TMEM132D: variants seen among roughly 807,000 people sequenced by gnomAD.
TMEM132D encodes mature OL transmembrane protein.
In TMEM132D, 21 loss-of-function variants were observed where a neutral mutation model predicts 62.3. The ratio of observed to expected loss-of-function variants is 0.34; its 90% confidence interval spans 0.24 to 0.49. The LOEUF is 0.49. TMEM132D is among the 20% of genes least tolerant of loss of function. The probability of loss-of-function intolerance (pLI) is 0.99; values close to 1 mark genes in which losing one functional copy is unlikely to be tolerated. For synonymous variants in TMEM132D, 621 were observed against 575.6 expected, an observed-to-expected ratio of 1.08 and a Z score of -1.13; for missense variants, 1,346 against 1,402.8, an observed-to-expected ratio of 0.96 and a Z score of 0.65.
intron 3 of TMEM132D, among the ~76,000 whole-genome samples, chr12:129,385,534 C>T (rs972203288): frequency 4.6e-5 from 7 of 152,156 alleles, no homozygotes; most frequent in Non-Finnish European, 1.0e-4. Context: ...TGGCCACCAA[C>T]CAGCCTAGTA....
At chr12:129,383,006 G>T (rs1020149235) in intron 3 of TMEM132D, among the ~76,000 whole-genome samples, 1 of 152,072 alleles carries the variant, frequency 6.6e-6, no homozygotes, top group Non-Finnish European at 1.5e-5. Flanking sequence ...CAGGATCATT[G>T]GGTCGCTAGG....
chr12:129,152,968 C>G (rs1365539336), intron 5 of TMEM132D, among the ~76,000 whole-genome samples: 1 of 152,164 alleles, frequency 6.6e-6, no homozygotes, highest in East Asian at 1.9e-4. Context: ...CCCTCCAGCT[C>G]CCACCCGGCA....
intron 2 of TMEM132D, among the ~76,000 whole-genome samples, chr12:129,551,065 G>A (rs915848927): frequency 2.6e-5 from 4 of 152,160 alleles, no homozygotes; most frequent in Admixed American, 2.0e-4. Context: ...ACCCCAACGG[G>A]GGTCCCAGGC....
At position 129,724,865 on chromosome 12, in the gene TMEM132D, G is replaced by A. The variant is rs1000290966; in HGVS notation, c.80-24167C>T. Among the ~76,000 whole-genome samples the A allele has an allele frequency of 8.5e-5, 13 of 152,318 alleles. No individual in the cohort carries two copies. The East Asian group carries it at 2.5e-3, about 29-fold the overall frequency. The stretch of plus-strand genomic sequence containing the variant: ...ACTAAGTTTGTGGCAATTTCTTACA[G>A]CGGCAATAGGAAATTATACAGCTAG... On this transcript the variant is annotated intron_variant, in intron 1 of 8. Transcript: ENST00000422113.
At chr12:129,598,774 C>T (rs1045583036) in intron 2 of TMEM132D, among the ~76,000 whole-genome samples, 4 of 152,154 alleles carry the variant, frequency 2.6e-5, no homozygotes, top group African/African-American at 9.6e-5. Flanking sequence ...AGAAATTTTT[C>T]TGCTTTTCAA....
intron 3 of TMEM132D, among the ~76,000 whole-genome samples, chr12:129,339,661 G>A (rs1869404036): frequency 6.6e-6 from 1 of 152,182 alleles, no homozygotes; most frequent in Non-Finnish European, 1.5e-5. Context: ...GAGAGAACTT[G>A]GAATTAAGAT....
intron 1 of TMEM132D, among the ~76,000 whole-genome samples, chr12:129,793,874 T>G (rs947002185): frequency 1.3e-5 from 2 of 152,200 alleles, no homozygotes; most frequent in Non-Finnish European, 2.9e-5. Flanking sequence ...GGCCTGAAAC[T>G]TACTTTTCAT....
Position 129,780,339 on chromosome 12 carries a change from A to AG in TMEM132D, c.80-79642dup, listed in dbSNP as rs5801871. Among the ~76,000 whole-genome samples the AG allele has an allele frequency of 4.3e-4, 63 of 145,336 alleles. 1 individual carries two copies. Among genetic ancestry groups the AG allele is most frequent in the African/African-American group, 1.1e-3 (44 of 39,636 alleles). The stretch of plus-strand genomic sequence containing the variant: ...TAGCTTGTAGAATTTGTTGGTGGGG[A>AG]GGGGGGGGGCCGGGGGGGCACAAAA... On this transcript the variant is annotated intron_variant, in intron 1 of 8. Coordinates refer to ENST00000422113, the MANE Select transcript of TMEM132D (RefSeq NM_133448.3).
intron 2 of TMEM132D, among the ~76,000 whole-genome samples, chr12:129,591,857 T>A (rs1878199602): frequency 3.3e-5 from 5 of 152,178 alleles, no homozygotes. Flanking sequence ...TTCTGACTAC[T>A]TAATAAATAA....
intron 2 of TMEM132D, among the ~76,000 whole-genome samples, chr12:129,612,224 CTGA>C (rs1266160292): frequency 1.4e-4 from 21 of 152,302 alleles, no homozygotes; most frequent in Admixed American, 6.5e-4. Flanking sequence ...TGTTCACTGG[CTGA>C]TCTTACTAAG....
intron 2 of TMEM132D, among the ~76,000 whole-genome samples, chr12:129,568,275 C>A (rs1164277239): frequency 6.6e-6 from 1 of 152,200 alleles, no homozygotes; most frequent in East Asian, 1.9e-4. Flanking sequence ...TCCACTTGAG[C>A]AAGTTTTGTC....
intron 2 of TMEM132D, among the ~76,000 whole-genome samples, chr12:129,689,603 C>A (rs1434862722): frequency 6.6e-6 from 1 of 152,206 alleles, no homozygotes; most frequent in Non-Finnish European, 1.5e-5. Context: ...CTATTTCTTG[C>A]ACCTTTGATT....
intron 1 of TMEM132D, among the ~76,000 whole-genome samples, chr12:129,713,404 TG>T (rs1294862831): frequency 6.5e-5 from 9 of 138,998 alleles, no homozygotes; most frequent in African/African-American, 1.7e-4. Context: ...GGTTTTTTGT[TG>T]TTTTTTTTTT....
intron 1 of TMEM132D, among the ~76,000 whole-genome samples, chr12:129,851,930 A>T (rs954989669): frequency 1.3e-5 from 2 of 152,228 alleles, no homozygotes; most frequent in Non-Finnish European, 2.9e-5. Context: ...GTAAAACCTT[A>T]TTTTGAATTC....
intron 5 of TMEM132D, chr12:129,170,375 G>T (rs1213751409): frequency 6.6e-6 from 1 of 152,128 alleles, no homozygotes; most frequent in African/African-American, 2.4e-5. Context: ...TGTGGATTTG[G>T]CTCCACTGCA....
intron 5 of TMEM132D, among the ~76,000 whole-genome samples, chr12:129,108,817 T>C (rs2135642364): frequency 6.6e-6 from 1 of 152,348 alleles, no homozygotes; most frequent in African/African-American, 2.4e-5. Context: ...AAGAGAAAGA[T>C]AAATTGTACA....
At chr12:129,307,349 C>G (rs1881869573) in intron 4 of TMEM132D, among the ~76,000 whole-genome samples, 1 of 152,130 alleles carries the variant, frequency 6.6e-6, no homozygotes, top group Non-Finnish European at 1.5e-5. Flanking sequence ...ATTATTGTTA[C>G]TATTTTTTCA....
chr12:129,086,273 G>A (rs1017513029), intron 5 of TMEM132D, among the ~76,000 whole-genome samples: 19 of 151,898 alleles, frequency 1.3e-4, no homozygotes, highest in African/African-American at 2.9e-4. Context: ...TATTTAGGGC[G>A]TCCACATGGA....
intron 3 of TMEM132D, among the ~76,000 whole-genome samples, chr12:129,510,059 G>C (rs2137073220): frequency 6.6e-6 from 1 of 152,234 alleles, no homozygotes; most frequent in East Asian, 1.9e-4. Context: ...ATTCTGCATA[G>C]TGGCTGTATT....
Sources: gnomAD v4.1 joint callset for allele counts (sites outside exome capture counted in the v4.1 genomes callset) on GRCh38, gnomAD v4.1.1 for gene constraint, MANE v1.5 for transcripts, NCBI Gene and HGNC (gene_info 2026-07-23, HGNC 2026-07-21) for gene names.